PPP2R3C: variants seen among roughly 807,000 people sequenced by gnomAD.
PPP2R3C encodes the protein serine/threonine-protein phosphatase 2A regulatory subunit B'' subunit gamma.
Under a neutral mutation model 63.7 loss-of-function variants are expected in PPP2R3C, and 47 were observed. The ratio of observed to expected loss-of-function variants is 0.74; its 90% CI spans 0.58 to 0.94. The LOEUF (loss-of-function observed/expected upper bound fraction) is 0.94. Among genes scored for constraint, PPP2R3C ranks in the 40% least tolerant of loss-of-function variants. The pLI, the probability that PPP2R3C is intolerant of heterozygous loss-of-function variation, is 0.00. For missense variants in PPP2R3C, 421 were observed against 518.4 expected (o/e 0.81, Z 1.82); for synonymous variants, 180 against 177.4 (o/e 1.01, Z -0.12).
At position 35,099,267 on chromosome 14, in the gene PPP2R3C, C is replaced by A; in HGVS notation, c.691G>T (p.Asp231Tyr). ...TAVRKFFFFL[D>Y]PLRTGKIKIQ... ...TTTCTTTTACCTGTTCTTAAAGGATCTAAAAAGAAGAAGAACTTCCTAACT... is the reference window on the plus strand; with the variant it reads ...TTTCTTTTACCTGTTCTTAAAGGATATAAAAAGAAGAAGAACTTCCTAACT... The change falls in exon 7 of 13, where the codon GAT becomes TAT. Residue 231 changes from aspartate to tyrosine, a missense_variant. Asp to Tyr is a radical substitution (Grantham distance 160, BLOSUM62 -3). Around this residue, in one of 3 missense-constraint regions of PPP2R3C, gnomAD observed 231 missense variants for 264.8 expected, o/e 0.87. Transcript: ENST00000261475. 1 of 1,587,384 alleles carries A rather than the reference C, an allele frequency of 6.3e-7. No homozygotes were observed. The highest frequency in any genetic ancestry group is 1.9e-5 in the Admixed American group (1 of 51,750).
chr14:35,088,842 A>ATGGTTATAT (rs2045694780), intron 11 of PPP2R3C, among the ~76,000 whole-genome samples: 1 of 152,262 alleles, frequency 6.6e-6, no homozygotes, highest in African/African-American at 2.4e-5. Context: ...TATCCCATAT[A>ATGGTTATAT]ACCAAGCCTA....
At chr14:35,100,372 T>C (rs1486166025) in intron 6 of PPP2R3C, 1 of 152,176 alleles carries the variant, frequency 6.6e-6, no homozygotes, top group East Asian at 1.9e-4. Flanking sequence ...AGAATTTTGA[T>C]AGACCCTGGG....
intron 9 of PPP2R3C, among the ~76,000 whole-genome samples, chr14:35,096,335 C>A (rs1273724451): frequency 6.6e-6 from 1 of 152,154 alleles, no homozygotes; most frequent in Non-Finnish European, 1.5e-5. Flanking sequence ...GCCAGTGTGA[C>A]AGAGTGAGAC....
intron 1 of PPP2R3C, among the ~76,000 whole-genome samples, chr14:35,117,331 A>G (rs1164898429): frequency 6.6e-6 from 1 of 152,226 alleles, no homozygotes; most frequent in Non-Finnish European, 1.5e-5. Flanking sequence ...ACTGGTACAC[A>G]GTGTTCTTCA....
At chr14:35,110,192 C>G (rs1032829771) in intron 3 of PPP2R3C, 1 of 441,702 alleles carries the variant, frequency 2.3e-6, no homozygotes, top group African/African-American at 2.0e-5. Context: ...AGATGATAAT[C>G]GAAGCACAGA....
intron 10 of PPP2R3C, among the ~76,000 whole-genome samples, chr14:35,092,412 T>C (rs1595080821): frequency 6.6e-6 from 1 of 152,174 alleles, no homozygotes; most frequent in East Asian, 1.9e-4. Context: ...ACTTATAACT[T>C]CATTTCAGTG....
At chr14:35,088,465 G>A (rs1390970514) in intron 11 of PPP2R3C, among the ~76,000 whole-genome samples, 1 of 152,096 alleles carries the variant, frequency 6.6e-6, no homozygotes, top group African/African-American at 2.4e-5. Flanking sequence ...AAGAAATGGA[G>A]GTAGACCTCC....
At chr14:35,093,068 C>T (rs906357080) in intron 10 of PPP2R3C, among the ~76,000 whole-genome samples, 1 of 151,930 alleles carries the variant, frequency 6.6e-6, no homozygotes, top group Non-Finnish European at 1.5e-5. Context: ...AAAAAATTAG[C>T]CGGGCATGGT....
chr14:35,106,864 T>C (rs1438171202), intron 6 of PPP2R3C, among the ~76,000 whole-genome samples: 1 of 142,776 alleles, frequency 7.0e-6, no homozygotes, highest in Non-Finnish European at 1.5e-5. Context: ...ATAGGGTTTC[T>C]CCATGTTGGT....
chr14:35,089,563 A>G (rs539177392), intron 11 of PPP2R3C, among the ~76,000 whole-genome samples: 5 of 152,308 alleles, frequency 3.3e-5, no homozygotes, highest in African/African-American at 1.2e-4. Context: ...TGTGTTGCCC[A>G]GGCTGGTCTC....
intron 7 of PPP2R3C, 144 bp downstream of exon 7, chr14:35,099,108 C>A: frequency 9.0e-7 from 1 of 1,110,512 alleles, no homozygotes; most frequent in Non-Finnish European, 1.2e-6. Flanking sequence ...TTTTTTCTAC[C>A]TTTTTATCTC....
chr14:35,116,042 A>G (rs1249436765), intron 2 of PPP2R3C, among the ~76,000 whole-genome samples: 3 of 152,142 alleles, frequency 2.0e-5, no homozygotes, highest in Non-Finnish European at 4.4e-5. Context: ...ACTTACTACT[A>G]ATATCTATAA....
chr14:35,088,732 G>A (rs180900306), intron 11 of PPP2R3C, among the ~76,000 whole-genome samples: 20 of 152,284 alleles, frequency 1.3e-4, no homozygotes, highest in Admixed American at 1.3e-3. Context: ...ATGATCTAGA[G>A]TGAATCATCC....
At chr14:35,114,396 G>A (rs919006239) in intron 2 of PPP2R3C, among the ~76,000 whole-genome samples, 3 of 152,002 alleles carry the variant, frequency 2.0e-5, no homozygotes, top group Non-Finnish European at 2.9e-5. Context: ...AAAAATGTTC[G>A]GTTGAAAAAA....
intron 7 of PPP2R3C, among the ~76,000 whole-genome samples, chr14:35,097,712 G>A (rs2046043659): frequency 6.6e-6 from 1 of 152,092 alleles, no homozygotes. Flanking sequence ...TTGAACACCT[G>A]ACCTCAGATG....
At chr14:35,107,173 C>A in intron 6 of PPP2R3C, 131 bp downstream of exon 6, 1 of 599,548 alleles carries the variant, frequency 1.7e-6, no homozygotes, top group Non-Finnish European at 2.8e-6. Flanking sequence ...TATGTACACA[C>A]AAACACACAC....
chr14:35,090,237 GT>G (rs34745484), intron 11 of PPP2R3C, among the ~76,000 whole-genome samples: 10,625 of 116,746 alleles, frequency 0.091, 198 homozygotes, highest in Middle Eastern at 0.16. Flanking sequence ...GGTAGTTGTA[GT>G]TTTTTTTTTT....
intron 6 of PPP2R3C, among the ~76,000 whole-genome samples, chr14:35,104,024 T>G (rs2046273755): frequency 6.6e-6 from 1 of 152,232 alleles, no homozygotes. Flanking sequence ...TCCCTTTTGC[T>G]CATCTCTCTT....
chr14:35,096,521 G>A, intron 9 of PPP2R3C, 37 bp downstream of exon 9: 1 of 1,565,224 alleles, frequency 6.4e-7, no homozygotes, highest in Non-Finnish European at 8.8e-7. Context: ...CCTGAAGAAT[G>A]GATAATTCAA....
Sources: allele counts gnomAD v4.1 joint callset (sites outside exome capture counted in the v4.1 genomes callset), GRCh38; gene constraint gnomAD v4.1.1; regional missense constraint gnomAD v4.1.1; transcripts MANE v1.5; gene names NCBI Gene and HGNC (gene_info 2026-07-23, HGNC 2026-07-21).